CAMTA1: variants seen among roughly 807,000 people sequenced by gnomAD.
CAMTA1 encodes calmodulin-binding transcription activator 1.
CAMTA1 carries 27 observed loss-of-function variants against 170.9 expected under a neutral mutation model. The ratio of observed to expected loss-of-function variants is 0.16; its 90% confidence interval spans 0.12 to 0.22. CAMTA1 has a LOEUF of 0.22. Ranked by LOEUF, CAMTA1 falls within the 10% of genes least tolerant of loss-of-function variation. The pLI, the probability that CAMTA1 is intolerant of heterozygous loss-of-function variation, is 1.00. For missense variants in CAMTA1, 1,619 were observed against 2,217.2 expected (o/e 0.73, Z 5.42); for synonymous variants, 833 against 891.5 (o/e 0.93, Z 1.17).
At chr1:6,937,250 CCAT>C (rs1338921550) in intron 3 of CAMTA1, among the ~76,000 whole-genome samples, 9 of 151,740 alleles carry the variant, frequency 5.9e-5, no homozygotes, top group Non-Finnish European at 1.2e-4. Context: ...ATCACCAACA[CCAT>C]CATCATCACC....
rs918920193 is a variant in CAMTA1 at position 7,609,586 on chromosome 1, C to A, written c.511-30814C>A. Among the ~76,000 whole-genome samples, 1 of 152,194 alleles carries A rather than the reference C, an allele frequency of 6.6e-6. No individual in the cohort carries two copies. Among genetic ancestry groups the A allele is most frequent in the African/African-American group, 2.4e-5 (1 of 41,452 alleles). ...CAGGAGTGAGCCAGCCTCAGCCAGG[C>A]CATGGCACAAAAGGGGAGGGGAGCA... is the stretch of plus-strand genomic sequence containing the variant. On this transcript the variant is annotated intron_variant, in intron 6 of 22. Transcript: ENST00000303635. This position sits in a 1 kb window ranked among gnomAD's most constrained non-coding sequence, Gnocchi z 4.4.
chr1:7,679,007 C>T (rs1229670361), intron 11 of CAMTA1, among the ~76,000 whole-genome samples: 1 of 152,204 alleles, frequency 6.6e-6, no homozygotes, highest in Admixed American at 6.5e-5. Context: ...GCTGGTGAAC[C>T]CTCAGGAGAC....
intron 1 of CAMTA1, among the ~76,000 whole-genome samples, chr1:6,810,865 C>T (rs1481911631): frequency 6.6e-6 from 1 of 152,034 alleles, no homozygotes; most frequent in East Asian, 1.9e-4. Context: ...TAAAGTTTGT[C>T]CTCCACCGTA....
intron 6 of CAMTA1, among the ~76,000 whole-genome samples, chr1:7,511,035 C>T (rs2094195584): frequency 6.9e-6 from 1 of 145,298 alleles, no homozygotes; most frequent in South Asian, 2.3e-4. Context: ...GTTACTCCTT[C>T]GGCACTCGCC....
chr1:6,805,032 G>A (rs1287755275), intron 1 of CAMTA1, among the ~76,000 whole-genome samples: 4 of 152,098 alleles, frequency 2.6e-5, no homozygotes, highest in Non-Finnish European at 5.9e-5. Flanking sequence ...CATTTCTGTT[G>A]GAAAGATACC....
intron 4 of CAMTA1, among the ~76,000 whole-genome samples, chr1:7,100,473 A>C (rs1558095619): frequency 1.3e-5 from 2 of 151,538 alleles, no homozygotes; most frequent in Non-Finnish European, 2.9e-5. Flanking sequence ...TTTCCTGCTC[A>C]CTCTCAAGTT....
chr1:7,387,629 T>C (rs2088159484), intron 5 of CAMTA1, among the ~76,000 whole-genome samples: 1 of 152,186 alleles, frequency 6.6e-6, no homozygotes, highest in South Asian at 2.1e-4. Context: ...GGAGGCAGGT[T>C]AGCGTCAACT....
intron 7 of CAMTA1, among the ~76,000 whole-genome samples, chr1:7,655,778 C>T (rs530257836): frequency 9.8e-5 from 15 of 152,296 alleles, no homozygotes; most frequent in Admixed American, 5.2e-4. Flanking sequence ...CCTATACACG[C>T]GCACCTGTAC....
chr1:7,013,209 C>T (rs202160618), intron 3 of CAMTA1, among the ~76,000 whole-genome samples: 9 of 84,184 alleles, frequency 1.1e-4, no homozygotes, highest in South Asian at 4.7e-4. Context: ...TGCCCTTCTT[C>T]TTTTTTTTTT....
At chr1:7,731,108 T>G (rs188049649) in intron 11 of CAMTA1, among the ~76,000 whole-genome samples, 6 of 152,180 alleles carry the variant, frequency 3.9e-5, no homozygotes, top group Admixed American at 1.3e-4. Context: ...TGCACATGTG[T>G]GTGTAAATGC....
At chr1:7,287,953 G>A (rs992351434) in intron 5 of CAMTA1, among the ~76,000 whole-genome samples, 1 of 152,198 alleles carries the variant, frequency 6.6e-6, no homozygotes, top group African/African-American at 2.4e-5. Flanking sequence ...TAACTACAGA[G>A]GAGGCTGGGA....
chr1:7,426,213 C>A lies in CAMTA1; in HGVS notation c.439-41617C>A, dbSNP rs2091868627. 6.7e-6 allele frequency among the ~76,000 whole-genome samples: 1 copy of A among 148,764 alleles called. No individual in the cohort carries two copies. Among genetic ancestry groups the A allele is most frequent in the African/African-American group, 2.6e-5 (1 of 38,208 alleles). Reference sequence around the variant, plus strand: ...GAGGGCACCTCCCCCAGACCTTGCTCTTTAACTATATCCAGGTGCCCAGGG... The same window carrying A: ...GAGGGCACCTCCCCCAGACCTTGCTATTTAACTATATCCAGGTGCCCAGGG... On this transcript the variant is annotated intron_variant, in intron 5 of 22. Transcript: ENST00000303635. The surrounding 1 kb of genome is among the most constrained non-coding windows in gnomAD (Gnocchi z 4.8).
chr1:7,253,282 TGCA>T (rs995180715), intron 5 of CAMTA1, among the ~76,000 whole-genome samples: 49 of 152,302 alleles, frequency 3.2e-4, no homozygotes, highest in African/African-American at 1.1e-3. Flanking sequence ...CCGGGGTCAC[TGCA>T]GCTTTGTGGT....
chr1:7,375,497 G>A (rs957860910), intron 5 of CAMTA1, among the ~76,000 whole-genome samples: 4 of 152,178 alleles, frequency 2.6e-5, no homozygotes, highest in African/African-American at 7.2e-5. Context: ...GGACTGAGGC[G>A]GACGCACATG....
intron 15 of CAMTA1, 132 bp from the exon 16 acceptor site, chr1:7,737,827 T>C (rs1391316778): frequency 2.2e-6 from 2 of 921,552 alleles, no homozygotes; most frequent in African/African-American, 3.3e-5. Flanking sequence ...ACTGGGGATA[T>C]TTAAATGTTA....
intron 4 of CAMTA1, among the ~76,000 whole-genome samples, chr1:7,150,019 G>A (rs753068522): frequency 2.8e-4 from 43 of 152,190 alleles, no homozygotes; most frequent in Non-Finnish European, 5.6e-4. Context: ...GGAAAACTGA[G>A]CCTCGGAGAC....
chr1:7,445,404 G>A (rs2092655047), intron 5 of CAMTA1, among the ~76,000 whole-genome samples: 1 of 151,978 alleles, frequency 6.6e-6, no homozygotes, highest in South Asian at 2.1e-4. Flanking sequence ...GCTGTGGTCT[G>A]AGCTGGGTCT....
chr1:7,502,445 T>A (rs936098482), intron 6 of CAMTA1, among the ~76,000 whole-genome samples: 2 of 152,204 alleles, frequency 1.3e-5, no homozygotes, highest in African/African-American at 4.8e-5. Context: ...CTCAGCAGAA[T>A]CTCCTTACGA....
chr1:7,093,792 T>G lies in CAMTA1; in HGVS notation c.302+2421T>G, dbSNP rs564445723. 2.9e-4 allele frequency among the ~76,000 whole-genome samples: 44 copies of G among 152,274 alleles called. No homozygotes were observed. Among genetic ancestry groups the G allele is most frequent in the Admixed American group, 1.8e-3 (27 of 15,294 alleles). On this transcript the variant is annotated intron_variant, in intron 4 of 22. Transcript: ENST00000303635. This position sits in a 1 kb window ranked among gnomAD's most constrained non-coding sequence, Gnocchi z 4.6. ...AAGGTGGGTTTCAGATGTGGTCAAG[T>G]CCGGGTTTGAGTCCTGGCTCCGTCA...
Sources: gnomAD v4.1 joint callset for allele counts (sites outside exome capture counted in the v4.1 genomes callset) on GRCh38, gnomAD v4.1.1 for gene constraint, Gnocchi (gnomAD v3.1) non-coding constraint, MANE v1.5 for transcripts, NCBI Gene and HGNC (gene_info 2026-07-23, HGNC 2026-07-21) for gene names.